The following CHM variants were observed in gnomAD, a reference collection of about 807,000 sequenced individuals.
CHM encodes the protein rab proteins geranylgeranyltransferase component A 1.
A neutral mutation model predicts 49.0 loss-of-function variants in CHM; 10 were observed. That is an observed-to-expected ratio of 0.20 (90% CI 0.13 to 0.35). The LOEUF (loss-of-function observed/expected upper bound fraction) is 0.35, where lower values mean the gene tolerates loss of function less well. Among genes scored for constraint, CHM ranks in the 10% least tolerant of loss-of-function variants. CHM has a pLI of 1.00. For synonymous variants in CHM, 184 were observed against 167.5 expected, an observed-to-expected ratio of 1.10 and a Z score of -0.76; for missense variants, 455 against 478.4, an observed-to-expected ratio of 0.95 and a Z score of 0.46.
chrX:85,953,070 G>T (rs1006411173), intron 8 of CHM, among the ~76,000 whole-genome samples: 14 of 112,460 alleles, frequency 1.2e-4, no homozygotes, highest in African/African-American at 4.5e-4. Flanking sequence ...GACAAATTTA[G>T]TAAAGTTGCA....
chrX:86,042,331 T>C (rs1438054667), intron 1 of CHM, among the ~76,000 whole-genome samples: 1 of 111,351 alleles, frequency 9.0e-6, no homozygotes, highest in Non-Finnish European at 1.9e-5. Context: ...TGCCTGAAAC[T>C]GGGTAATTTA....
intron 2 of CHM, among the ~76,000 whole-genome samples, chrX:85,996,109 G>A (rs958045304): frequency 8.9e-6 from 1 of 111,832 alleles, no homozygotes; most frequent in Non-Finnish European, 1.9e-5. Context: ...TGGTAGAAGA[G>A]AAAGAGCCAT....
At chrX:85,961,018 T>C (rs917482594) in intron 5 of CHM, among the ~76,000 whole-genome samples, 6 of 111,657 alleles carry the variant, frequency 5.4e-5, no homozygotes, top group African/African-American at 2.0e-4. Context: ...TGAATGTGTA[T>C]TGTCAACTGT....
Position 85,956,357 on chromosome X carries a change from T to C in CHM, c.962A>G (p.Tyr321Cys), listed in dbSNP as rs150754372. The change falls in exon 8 of 15, where the codon TAT (tyrosine) becomes TGT (cysteine). Residue 321 changes from tyrosine (Y) to cysteine (C), a missense_variant. Coordinates refer to ENST00000357749, the MANE Select transcript of CHM (RefSeq NM_000390.4). ...TAATTTTTGAGTCTTTAAATATTCA[T>C]AAAATGTGATCTCTTCATATCCTAT... Reference protein sequence around the residue: ...EYKGYEEITFYEYLKTQKLTP... With the variant: ...EYKGYEEITFCEYLKTQKLTP... 5.0e-6 allele frequency: 6 copies of C among 1,209,877 alleles called. No individual in the cohort carries two copies. The highest frequency in any genetic ancestry group is 3.0e-5 in the East Asian group (1 of 33,788).
chrX:85,882,961 G>A (rs1257343914), intron 12 of CHM, among the ~76,000 whole-genome samples: 2 of 111,198 alleles, frequency 1.8e-5, no homozygotes, highest in Non-Finnish European at 3.8e-5. Flanking sequence ...TAATTAAAAT[G>A]AAGGGGTGCA....
At position 85,980,641 on chromosome X, in the gene CHM, C is replaced by A. The variant is rs752089646; in HGVS notation, c.189+1096G>T. Among the ~76,000 whole-genome samples the A allele has an allele frequency of 4.6e-3, 515 of 111,957 alleles. 1 individual carries two copies. Among genetic ancestry groups the A allele is most frequent in the Non-Finnish European group, 7.6e-3 (405 of 53,145 alleles). ...ATCCTCCTTTCCAAACATCTAAATT[C>A]TTTTGCGATACAGCAGTTTCTGATC... is the stretch of plus-strand genomic sequence containing the variant. On this transcript the variant is annotated intron_variant, in intron 3 of 14. Coordinates refer to ENST00000357749, the MANE Select transcript of CHM (RefSeq NM_000390.4).
At chrX:85,883,438 A>G (rs1057506309) in intron 12 of CHM, among the ~76,000 whole-genome samples, 1 of 111,511 alleles carries the variant, frequency 9.0e-6, no homozygotes, top group African/African-American at 3.3e-5. Context: ...GTAGCAAGTA[A>G]GGAACTGAGT....
chrX:86,009,588 A>G (rs1161570878), intron 2 of CHM, among the ~76,000 whole-genome samples: 1 of 112,604 alleles, frequency 8.9e-6, no homozygotes, highest in Non-Finnish European at 1.9e-5. Flanking sequence ...TTTGCATCTT[A>G]TTCCACTGTA....
At chrX:85,974,823 A>G (rs1316280472) in intron 4 of CHM, among the ~76,000 whole-genome samples, 1 of 111,379 alleles carries the variant, frequency 9.0e-6, no homozygotes, top group Non-Finnish European at 1.9e-5. Context: ...AATCAAAATA[A>G]TAATAATTGA....
At chrX:85,873,333 A>G (rs1924209461) in intron 13 of CHM, 121 bp from the exon 14 acceptor site, 1 of 488,680 alleles carries the variant, frequency 2.0e-6, no homozygotes, top group Non-Finnish European at 3.4e-6. Context: ...AGAGCTTCGT[A>G]TGTAAACATT....
intron 2 of CHM, among the ~76,000 whole-genome samples, chrX:85,988,876 C>G (rs1932045446): frequency 8.9e-6 from 1 of 111,900 alleles, no homozygotes; most frequent in African/African-American, 3.2e-5. Flanking sequence ...AAAAACATCC[C>G]ATGCTCATGA....
intron 4 of CHM, chrX:85,969,457 GA>G (rs1418919648): frequency 2.8e-6 from 2 of 712,681 alleles, no homozygotes; most frequent in Non-Finnish European, 1.7e-6. Flanking sequence ...CATAAACTAT[GA>G]AACTATTACA....
At chrX:85,962,714 A>G (rs1310493863) in intron 5 of CHM, among the ~76,000 whole-genome samples, 1 of 111,483 alleles carries the variant, frequency 9.0e-6, no homozygotes, top group African/African-American at 3.3e-5. Flanking sequence ...GTTTTTCTCT[A>G]CTTTTACCCT....
intron 1 of CHM, among the ~76,000 whole-genome samples, chrX:86,031,607 G>A (rs939829052): frequency 8.9e-6 from 1 of 112,725 alleles, no homozygotes; most frequent in Non-Finnish European, 1.9e-5. Context: ...TTGGGAGGCC[G>A]AGGTGGGCAG....
chrX:86,003,632 C>T (rs575541047), intron 2 of CHM, among the ~76,000 whole-genome samples: 3 of 111,550 alleles, frequency 2.7e-5, no homozygotes, highest in African/African-American at 9.8e-5. Flanking sequence ...CTTCAATAAC[C>T]GATTTGATCA....
Position 85,901,070 on chromosome X carries a change from G to T in CHM, c.1349+14C>A, listed in dbSNP as rs371436744. ...AAATTACCTTCGCTTGCTAATGGGT[G>T]GAGGGGGCCTTACCTGTATTGCACA... On this transcript the variant is annotated intron_variant, in intron 10 of 14. Coordinates refer to ENST00000357749, the MANE Select transcript of CHM (RefSeq NM_000390.4). The T allele has an allele frequency of 9.0e-7, 1 of 1,114,543 alleles. No individual in the cohort carries two copies. The highest frequency in any genetic ancestry group is 1.9e-5 in the South Asian group (1 of 53,589). 91.9% of individuals were successfully genotyped at this position (1,114,543 alleles called of 1,213,427 possible).
intron 4 of CHM, among the ~76,000 whole-genome samples, chrX:85,972,481 C>A (rs780558172): frequency 8.8e-6 from 1 of 113,315 alleles, no homozygotes; most frequent in South Asian, 3.5e-4. Context: ...GCATGGCGGG[C>A]TGCAGTCCCG....
At chrX:86,016,608 T>C (rs147183126) in intron 2 of CHM, among the ~76,000 whole-genome samples, 1,261 of 112,097 alleles carry the variant, frequency 0.011, 16 homozygotes, top group African/African-American at 0.038. Flanking sequence ...AAAATTGGGG[T>C]TTAGGAACCT....
At chrX:85,887,402 G>A (rs1431317765) in intron 12 of CHM, among the ~76,000 whole-genome samples, 2 of 111,609 alleles carry the variant, frequency 1.8e-5, no homozygotes, top group East Asian at 2.8e-4. Flanking sequence ...TGACTGTGAG[G>A]CTTCCCCAGC....
Sources: gnomAD v4.1 joint callset for allele counts (sites outside exome capture counted in the v4.1 genomes callset) on GRCh38, gnomAD v4.1.1 for gene constraint, MANE v1.5 for transcripts, NCBI Gene and HGNC (gene_info 2026-07-23, HGNC 2026-07-21) for gene names.